The following ZNF578 variants were observed in gnomAD, a reference collection of about 807,000 sequenced individuals.
ZNF578 encodes Putative chemokine-related protein B42.
ZNF578 carries 8 observed loss-of-function variants against 8.3 expected under a neutral mutation model. The ratio of observed to expected loss-of-function variants is 0.96; its 90% CI spans 0.56 to 1.74. The LOEUF (loss-of-function observed/expected upper bound fraction) is 1.74. ZNF578 is among the 40% of genes most tolerant of loss of function. The pLI, the probability that ZNF578 is intolerant of heterozygous loss-of-function variation, is 0.00. For missense variants in ZNF578, 726 were observed against 707.5 expected (o/e 1.03, Z -0.30); for synonymous variants, 206 against 232.2 (o/e 0.89, Z 1.03).
chr19:52,509,324 G>A (rs566456516), intron 5 of ZNF578, among the ~76,000 whole-genome samples: 1 of 152,168 alleles, frequency 6.6e-6, no homozygotes, highest in Non-Finnish European at 1.5e-5. Flanking sequence ...TAGATGTTGT[G>A]GCTTTTTTCT....
At chr19:52,479,542 C>CA (rs34862610) in intron 2 of ZNF578, among the ~76,000 whole-genome samples, 16,299 of 63,002 alleles carry the variant, frequency 0.26, 1,645 homozygotes, top group Admixed American at 0.3. Context: ...GACTCCATCT[C>CA]AAAAAAAAAA....
At chr19:52,475,076 T>A (rs1328606067) in intron 2 of ZNF578, 1 of 184,372 alleles carries the variant, frequency 5.4e-6, no homozygotes, top group Non-Finnish European at 1.2e-5. Flanking sequence ...CTCTCCTATA[T>A]GAATTCTGTG....
At chr19:52,500,757 T>C (rs562881849) in intron 3 of ZNF578, among the ~76,000 whole-genome samples, 27 of 152,206 alleles carry the variant, frequency 1.8e-4, no homozygotes, top group Middle Eastern at 3.4e-3. Context: ...GAGGGGTGAC[T>C]TTGAATAGAA....
chr19:52,467,648 C>G (rs1316436390), intron 2 of ZNF578, among the ~76,000 whole-genome samples: 3 of 151,620 alleles, frequency 2.0e-5, no homozygotes, highest in Admixed American at 6.6e-5. Context: ...AGAAAGAAAA[C>G]AAACTACAAA....
intron 3 of ZNF578, among the ~76,000 whole-genome samples, chr19:52,493,138 C>A (rs746082363): frequency 5.9e-5 from 9 of 152,186 alleles, no homozygotes; most frequent in Non-Finnish European, 1.2e-4. Context: ...GACTCTCCCG[C>A]CCCGTGCTTC....
chr19:52,472,788 G>T (rs2059296133), intron 2 of ZNF578, among the ~76,000 whole-genome samples: 1 of 152,094 alleles, frequency 6.6e-6, no homozygotes, highest in Admixed American at 6.6e-5. Context: ...AGATTTCAAA[G>T]TTCAGGCTAA....
rs756246591 is a variant in ZNF578, at chr19:52,510,898, G to A, written c.517G>A (p.Glu173Lys). The stretch of plus-strand genomic sequence containing the variant: ...TCCTGAACTCCACATATTTCAGCCC[G>A]AAGAGAAAATTGCTAATCAAGTGGA... ...HLPELHIFQP[E>K]EKIANQVEKS... The change falls in exon 6 of 6, where the codon GAA becomes AAA. Residue 173 changes from glutamate (E) to lysine (K), a missense_variant. Physicochemically the swap from Glu to Lys is moderately conservative, Grantham distance 56. Coordinates refer to ENST00000421239, the MANE Select transcript of ZNF578 (RefSeq NM_001099694.2). 1.2e-4 allele frequency: 201 copies of A among 1,614,024 alleles called. No homozygotes were observed. The highest frequency in any genetic ancestry group is 1.4e-4 in the Non-Finnish European group (171 of 1,180,034).
intron 2 of ZNF578, among the ~76,000 whole-genome samples, chr19:52,482,154 C>T (rs1156781083): frequency 6.6e-6 from 1 of 152,182 alleles, no homozygotes; most frequent in African/African-American, 2.4e-5. Context: ...CTGCCTCAGC[C>T]TCCGGAGTAG....
chr19:52,490,717 A>G (rs532226946), intron 2 of ZNF578, among the ~76,000 whole-genome samples: 17 of 151,708 alleles, frequency 1.1e-4, no homozygotes, highest in Admixed American at 6.6e-4. Context: ...GGCTCACTGC[A>G]ATCTCCGCCT....
In ZNF578 at chr19:52,515,334, C is replaced by T. The variant is rs116363788; in HGVS notation, c.*3180C>T. 6.6e-6 allele frequency among the ~76,000 whole-genome samples: 1 copy of T among 152,128 alleles called. No individual in the cohort carries two copies. The highest frequency in any genetic ancestry group is 2.4e-5 in the African/African-American group (1 of 41,414). On this transcript the variant is annotated 3_prime_UTR_variant, in exon 6 of 6. Coordinates refer to ENST00000421239, the MANE Select transcript of ZNF578 (RefSeq NM_001099694.2). ...ACAGCTGACCCTCTTTCACTGTTTC[C>T]AAGGTCAATAGCTGTGTGTTCACAC...
At chr19:52,476,303 C>T (rs1001548953) in intron 2 of ZNF578, among the ~76,000 whole-genome samples, 3 of 152,150 alleles carry the variant, frequency 2.0e-5, no homozygotes, top group African/African-American at 7.2e-5. Flanking sequence ...GCTGACATCA[C>T]TATATGTCCT....
rs2059475203 is a variant in ZNF578, at chr19:52,516,235, T to C, written c.*4081T>C. On this transcript the variant is annotated 3_prime_UTR_variant, in exon 6 of 6. Coordinates refer to ENST00000421239, the MANE Select transcript of ZNF578 (RefSeq NM_001099694.2). ...GTCTCAAGCTCCTGAGCTCAAGTGA[T>C]CTACCCACCTCGGCCTCCTAGAGTG... Among the ~76,000 whole-genome samples the C allele has an allele frequency of 6.6e-6, 1 of 152,110 alleles. No homozygotes were observed. The highest frequency in any genetic ancestry group is 1.5e-5 in the Non-Finnish European group (1 of 68,022).
chr19:52,503,427 C>G (rs1307908201), intron 4 of ZNF578, among the ~76,000 whole-genome samples: 2 of 152,198 alleles, frequency 1.3e-5, no homozygotes, highest in Non-Finnish European at 2.9e-5. Flanking sequence ...CTCACTGCAA[C>G]CTCTGCCTTC....
intron 5 of ZNF578, among the ~76,000 whole-genome samples, chr19:52,505,392 T>C (rs2059422183): frequency 6.6e-6 from 1 of 150,386 alleles, no homozygotes; most frequent in Admixed American, 6.7e-5. Flanking sequence ...CACACCAATA[T>C]ATGTCATTGT....
At chr19:52,481,955 A>T (rs906370250) in intron 2 of ZNF578, among the ~76,000 whole-genome samples, 7 of 151,986 alleles carry the variant, frequency 4.6e-5, no homozygotes, top group Non-Finnish European at 8.8e-5. Context: ...CTGGTCTCAA[A>T]ATCCTGGGCT....
chr19:52,469,167 G>GTTTTTTTTTTTTTTTTTTTTTTTTTTT (rs3054902), intron 2 of ZNF578, among the ~76,000 whole-genome samples: 1 of 130,614 alleles, frequency 7.7e-6, no homozygotes, highest in Non-Finnish European at 1.6e-5. Context: ...GTTTTTTTTT[G>GTTTTTTTTTTTTTTTTTTTTTTTTTTT]TTTTTTTTTT....
intron 2 of ZNF578, among the ~76,000 whole-genome samples, chr19:52,459,644 CACACACATATATAT>C (rs1191077103): frequency 7.6e-6 from 1 of 131,846 alleles, no homozygotes; most frequent in African/African-American, 3.1e-5. Context: ...CACACACACA[CACACACATATATAT>C]ACTACCATAT....
chr19:52,499,331 G>A (rs2059398310), intron 3 of ZNF578, among the ~76,000 whole-genome samples: 2 of 151,722 alleles, frequency 1.3e-5, no homozygotes, highest in African/African-American at 4.8e-5. Flanking sequence ...CACCTTGAAG[G>A]TTATCATCTC....
rs1032867008 is a variant in ZNF578 at position 52,514,642 on chromosome 19, C to T, written c.*2488C>T. On this transcript the variant is annotated 3_prime_UTR_variant, in exon 6 of 6. Transcript: ENST00000421239. ...AAACATGGGCTGGAGTGGCATAGAG[C>T]GCTGCTCCAAAAGCACCCATGTATT... 8.5e-5 allele frequency among the ~76,000 whole-genome samples: 13 copies of T among 152,072 alleles called. No individual in the cohort carries two copies. The highest frequency in any genetic ancestry group is 1.3e-4 in the Admixed American group (2 of 15,238).
Sources: gnomAD v4.1 joint callset for allele counts (sites outside exome capture counted in the v4.1 genomes callset) on GRCh38, gnomAD v4.1.1 for gene constraint, MANE v1.5 for transcripts, NCBI Gene and HGNC (gene_info 2026-07-23, HGNC 2026-07-21) for gene names.